The following ARID4B variants were observed in gnomAD, a reference collection of about 807,000 sequenced individuals.
ARID4B encodes AT-rich interaction domain 4B, also known as AT-rich interactive domain-containing protein 4B.
Under a neutral mutation model 147.5 loss-of-function variants are expected in ARID4B, and 26 were observed. The observed-to-expected ratio is 0.18, with a 90% confidence interval of 0.13 to 0.24. The LOEUF is 0.24. ARID4B is among the 10% of genes least tolerant of loss of function. The pLI is 1.00. For synonymous variants in ARID4B, 512 were observed against 507.9 expected (o/e 1.01, Z -0.11); for missense variants, 1,179 against 1,511.5 (o/e 0.78, Z 3.65).
intron 8 of ARID4B, among the ~76,000 whole-genome samples, chr1:235,239,049 C>T (rs1368634587): frequency 2.0e-5 from 3 of 149,108 alleles, no homozygotes; most frequent in Middle Eastern, 6.9e-3. Flanking sequence ...GTGGCGCGAT[C>T]TTGGCTCACT....
At chr1:235,312,898 A>G (rs1417019347) in intron 2 of ARID4B, among the ~76,000 whole-genome samples, 4 of 152,094 alleles carry the variant, frequency 2.6e-5, no homozygotes, top group African/African-American at 9.7e-5. Flanking sequence ...GTTTGAACCT[A>G]GGAGGCGGAG....
At chr1:235,189,324 T>G (rs1342852857) in intron 19 of ARID4B, among the ~76,000 whole-genome samples, 3 of 141,566 alleles carry the variant, frequency 2.1e-5, no homozygotes, top group Non-Finnish European at 4.5e-5. Context: ...CGCTTGAACT[T>G]GGAGGGCAGA....
intron 2 of ARID4B, among the ~76,000 whole-genome samples, chr1:235,286,154 C>T (rs1436036606): frequency 6.6e-6 from 1 of 152,072 alleles, no homozygotes; most frequent in Non-Finnish European, 1.5e-5. Flanking sequence ...CCTGTTTCAG[C>T]CTCCCAAGTA....
At chr1:235,179,145 A>G (rs1207872106) in intron 20 of ARID4B, among the ~76,000 whole-genome samples, 1 of 152,238 alleles carries the variant, frequency 6.6e-6, no homozygotes, top group Non-Finnish European at 1.5e-5. Context: ...TCTAAATAGT[A>G]AAACTTAAAT....
chr1:235,219,075 G>C (rs1667276635), intron 16 of ARID4B, among the ~76,000 whole-genome samples: 1 of 151,914 alleles, frequency 6.6e-6, no homozygotes, highest in African/African-American at 2.4e-5. Flanking sequence ...TGTTGGCCAG[G>C]CTGGTCTTGA....
chr1:235,247,607 C>A (rs1248947584), intron 6 of ARID4B, among the ~76,000 whole-genome samples: 1 of 152,174 alleles, frequency 6.6e-6, no homozygotes, highest in East Asian at 1.9e-4. Context: ...GCTTTCACAA[C>A]TCTCATAGGG....
intron 2 of ARID4B, among the ~76,000 whole-genome samples, chr1:235,282,803 GA>G (rs1401856672): frequency 6.6e-6 from 1 of 151,700 alleles, no homozygotes; most frequent in Admixed American, 6.6e-5. Context: ...TTATTTTTTT[GA>G]GACGGAGTCT....
Position 235,240,295 on chromosome 1 carries a change from T to C in ARID4B, c.585+18A>G. On this transcript the variant is annotated intron_variant, in intron 8 of 23. Coordinates refer to ENST00000264183, the MANE Select transcript of ARID4B (RefSeq NM_016374.6). ...TATAAAGTTTGAAATTAAACTCTTG[T>C]ATACTGAAGCTACTCACCAATGCAG... is the stretch of plus-strand genomic sequence containing the variant. The C allele has an allele frequency of 6.3e-7, 1 of 1,597,080 alleles. No homozygotes were observed. Among genetic ancestry groups the C allele is most frequent in the Non-Finnish European group, 8.5e-7 (1 of 1,173,284 alleles).
chr1:235,215,451 A>G (rs759537931), intron 16 of ARID4B, among the ~76,000 whole-genome samples: 13 of 151,738 alleles, frequency 8.6e-5, no homozygotes, highest in South Asian at 2.1e-4. Flanking sequence ...AAAATTAATA[A>G]TATGTAAAAT....
At chr1:235,202,016 A>G (rs1471609154) in intron 17 of ARID4B, among the ~76,000 whole-genome samples, 1 of 150,500 alleles carries the variant, frequency 6.6e-6, no homozygotes, top group Non-Finnish European at 1.5e-5. Context: ...TATATAATAT[A>G]TACATATATA....
At chr1:235,277,200 C>T (rs1437019322) in intron 2 of ARID4B, among the ~76,000 whole-genome samples, 2 of 151,968 alleles carry the variant, frequency 1.3e-5, no homozygotes, top group Non-Finnish European at 2.9e-5. Flanking sequence ...AAGACATGAT[C>T]GTGCCACTGC....
chr1:235,173,483 A>T (rs2102897284), intron 22 of ARID4B, among the ~76,000 whole-genome samples: 1 of 152,172 alleles, frequency 6.6e-6, no homozygotes, highest in Non-Finnish European at 1.5e-5. Context: ...AGGTTTTTTT[A>T]AAGAGTGTGT....
intron 8 of ARID4B, 84 bp from the exon 9 acceptor site, chr1:235,234,576 T>C: frequency 8.0e-6 from 8 of 994,414 alleles, no homozygotes; most frequent in African/African-American, 3.3e-5. Flanking sequence ...TTTTAAAAAG[T>C]GTAAGCTTGA....
chr1:235,174,515 T>C (rs1455289763), intron 22 of ARID4B, among the ~76,000 whole-genome samples: 8 of 152,012 alleles, frequency 5.3e-5, no homozygotes, highest in African/African-American at 1.4e-4. Flanking sequence ...GTTACTAGGA[T>C]TGGGGCTGGG....
chr1:235,306,759 G>T (rs953712133), intron 2 of ARID4B, among the ~76,000 whole-genome samples: 1 of 151,970 alleles, frequency 6.6e-6, no homozygotes, highest in Non-Finnish European at 1.5e-5. Context: ...GGATTCAAGC[G>T]ATTCTCACGC....
chr1:235,286,060 G>T (rs10925330), intron 2 of ARID4B, among the ~76,000 whole-genome samples: 7 of 151,478 alleles, frequency 4.6e-5, no homozygotes, highest in Middle Eastern at 3.4e-3. Context: ...GTTTTGTTTT[G>T]TTTTGAGATA....
intron 17 of ARID4B, among the ~76,000 whole-genome samples, chr1:235,205,901 T>C (rs1180283603): frequency 4.6e-5 from 7 of 152,126 alleles, no homozygotes; most frequent in Admixed American, 2.6e-4. Flanking sequence ...CCCTAACACA[T>C]TGCTGGTGAG....
chr1:235,274,048 G>A (rs1454197464), intron 2 of ARID4B, among the ~76,000 whole-genome samples: 1 of 152,114 alleles, frequency 6.6e-6, no homozygotes, highest in Non-Finnish European at 1.5e-5. Context: ...ATACTAGTTT[G>A]GTGCAAAACT....
chr1:235,296,866 A>AGAAAGAGGGAGG (rs1672778597), intron 2 of ARID4B, among the ~76,000 whole-genome samples: 2 of 75,138 alleles, frequency 2.7e-5, no homozygotes, highest in Non-Finnish European at 5.6e-5. Context: ...AGGAAGGGAG[A>AGAAAGAGGGAGG]GAGTACTTCC....
Sources: gnomAD v4.1 joint callset for allele counts (sites outside exome capture counted in the v4.1 genomes callset) on GRCh38, gnomAD v4.1.1 for gene constraint, MANE v1.5 for transcripts, NCBI Gene and HGNC (gene_info 2026-07-23, HGNC 2026-07-21) for gene names.